Variants in AGMO observed in about 807,000 individuals in gnomAD.
AGMO encodes glyceryl-ether monooxygenase.
A neutral mutation model predicts 60.2 loss-of-function variants in AGMO; 75 were observed. The observed-to-expected ratio is 1.25, with a 90% confidence interval of 1.03 to 1.51. The LOEUF is 1.51. Among genes scored for constraint, AGMO ranks in the 40% most tolerant of loss-of-function variants. AGMO has a pLI of 0.00. For synonymous variants in AGMO, 261 were observed against 177.1 expected (o/e 1.47, Z -3.76); for missense variants, 763 against 525.5 (o/e 1.45, Z -4.42).
At chr7:15,217,410 G>C (rs1291181449) in intron 12 of AGMO, among the ~76,000 whole-genome samples, 2 of 151,798 alleles carry the variant, frequency 1.3e-5, no homozygotes, top group Admixed American at 6.6e-5. Flanking sequence ...GAAAAACAAA[G>C]ACATCTTGAG....
chr7:15,294,636 G>T (rs898831026), intron 12 of AGMO, among the ~76,000 whole-genome samples: 2 of 151,852 alleles, frequency 1.3e-5, no homozygotes, highest in African/African-American at 4.8e-5. Context: ...AATTTGAGGC[G>T]ATGGGAAGGC....
chr7:15,477,342 G>T (rs773720890), intron 3 of AGMO, among the ~76,000 whole-genome samples: 8 of 152,040 alleles, frequency 5.3e-5, no homozygotes, highest in Admixed American at 1.3e-4. Flanking sequence ...ATGTCCCATA[G>T]ACAGTAACAA....
At chr7:15,296,080 T>C (rs776649622) in intron 12 of AGMO, among the ~76,000 whole-genome samples, 1 of 152,154 alleles carries the variant, frequency 6.6e-6, no homozygotes, top group Non-Finnish European at 1.5e-5. Context: ...GAAAATAAAA[T>C]ATGTAGAAAT....
intron 12 of AGMO, among the ~76,000 whole-genome samples, chr7:15,342,779 C>CAAAAAAAAAAAAAA (rs780336320): frequency 1.6e-5 from 1 of 61,656 alleles, no homozygotes; most frequent in African/African-American, 7.4e-5. Flanking sequence ...AGTATAGCTG[C>CAAAAAAAAAAAAAA]AAAAAAAAAA....
intron 12 of AGMO, among the ~76,000 whole-genome samples, chr7:15,241,459 C>CAACAAAAAAA (rs1397699834): frequency 1.9e-5 from 1 of 51,358 alleles, no homozygotes. Context: ...GACTCCGTCT[C>CAACAAAAAAA]AAAAAAAAAA....
intron 12 of AGMO, among the ~76,000 whole-genome samples, chr7:15,281,600 C>T (rs1295612421): frequency 3.3e-5 from 5 of 152,090 alleles, no homozygotes; most frequent in Middle Eastern, 3.4e-3. Context: ...GCTGAGGTGG[C>T]GCCTACTCTT....
At chr7:15,141,102 G>C in the AGMO span, among the ~76,000 whole-genome samples, 1 of 152,088 alleles carries the variant, frequency 6.6e-6, no homozygotes, top group Non-Finnish European at 1.5e-5. Flanking sequence ...CTTTCATCTT[G>C]TAAATGGCTC....
chr7:15,523,071 G>A (rs561549489), intron 3 of AGMO, among the ~76,000 whole-genome samples: 180 of 152,200 alleles, frequency 1.2e-3, no homozygotes, highest in Middle Eastern at 0.01. Context: ...ACATTTATGC[G>A]GCCAACAAAC....
chr7:15,337,262 A>G (rs923997645), intron 12 of AGMO, among the ~76,000 whole-genome samples: 2 of 152,244 alleles, frequency 1.3e-5, no homozygotes, highest in Non-Finnish European at 2.9e-5. Context: ...GGAATAATGC[A>G]GGAAATATGC....
At chr7:15,392,435 T>C (rs1391579040) in intron 6 of AGMO, among the ~76,000 whole-genome samples, 1 of 151,990 alleles carries the variant, frequency 6.6e-6, no homozygotes, top group Non-Finnish European at 1.5e-5. Flanking sequence ...ACTCCCCAAT[T>C]AGAGATACTT....
At chr7:15,320,181 C>CA (rs1781065642) in intron 12 of AGMO, among the ~76,000 whole-genome samples, 1 of 151,880 alleles carries the variant, frequency 6.6e-6, no homozygotes, top group East Asian at 1.9e-4. Context: ...TTAATGGGTG[C>CA]AGCACACCAC....
rs75213694 is a variant in AGMO, at chr7:15,495,816, G to A, written c.409+48956C>T. ...AGCTTTTCCTTTGTAAGTGGGGATG[G>A]AGACTCTCTCTCTCTCTCTCTCTCT... is the stretch of plus-strand genomic sequence containing the variant. On this transcript the variant is annotated intron_variant, in intron 3 of 12. Coordinates refer to ENST00000342526, the MANE Select transcript of AGMO (RefSeq NM_001004320.2). 0.02 allele frequency among the ~76,000 whole-genome samples: 2,120 copies of A among 107,230 alleles called. 105 individuals carry two copies. The East Asian group carries it at 0.35, about 18-fold the overall frequency. The allele number at this position is 107,230 out of a possible 152,430, so 70.3% of individuals were successfully genotyped here. A position where few individuals can be genotyped will look rare whatever the true frequency, so the allele number is the denominator to read the frequency against.
the AGMO span, among the ~76,000 whole-genome samples, chr7:15,172,288 C>G: frequency 6.6e-6 from 1 of 152,206 alleles, no homozygotes; most frequent in Non-Finnish European, 1.5e-5. Flanking sequence ...CCCCAGACAT[C>G]AAGTGAATCT....
At chr7:15,274,940 C>G (rs1246000651) in intron 12 of AGMO, among the ~76,000 whole-genome samples, 1 of 151,016 alleles carries the variant, frequency 6.6e-6, no homozygotes, top group Non-Finnish European at 1.5e-5. Context: ...TTCTGTTTTT[C>G]TTCATTGAGC....
chr7:15,138,431 G>A, the AGMO span, among the ~76,000 whole-genome samples: 6 of 152,248 alleles, frequency 3.9e-5, no homozygotes, highest in East Asian at 9.7e-4. Context: ...TCATAATCCC[G>A]ACATCCTAAA....
At position 15,503,749 on chromosome 7, in the gene AGMO, A is replaced by G. The variant is rs186782166; in HGVS notation, c.409+41023T>C. Reference sequence around the variant, plus strand: ...GAAATAGACTTAAAATTATAATAGAAGCACTTTTTATTTGTACAACATGAG... The same window carrying G: ...GAAATAGACTTAAAATTATAATAGAGGCACTTTTTATTTGTACAACATGAG... On this transcript the variant is annotated intron_variant, in intron 3 of 12. Transcript: ENST00000342526. Among the ~76,000 whole-genome samples the G allele has an allele frequency of 6.4e-4, 98 of 152,192 alleles. No homozygotes were observed. In the East Asian group the frequency reaches 0.018, roughly 28 times the overall value.
chr7:15,475,051 G>A (rs1341702117), intron 3 of AGMO, among the ~76,000 whole-genome samples: 2 of 152,124 alleles, frequency 1.3e-5, no homozygotes, highest in African/African-American at 2.4e-5. Flanking sequence ...AACAGATGCT[G>A]GAGAGGATGT....
At chr7:15,469,588 A>G (rs1782390893) in intron 3 of AGMO, among the ~76,000 whole-genome samples, 1 of 152,152 alleles carries the variant, frequency 6.6e-6, no homozygotes, top group Non-Finnish European at 1.5e-5. Flanking sequence ...AGAACAGTAG[A>G]AATCAAAAGA....
chr7:15,354,080 TTTG>T (rs1324418017), intron 12 of AGMO, among the ~76,000 whole-genome samples: 3 of 151,920 alleles, frequency 2.0e-5, no homozygotes, highest in African/African-American at 7.2e-5. Flanking sequence ...TTCCAAGTAT[TTTG>T]TTGTTCATGG....
Sources: allele counts gnomAD v4.1 joint callset (sites outside exome capture counted in the v4.1 genomes callset), GRCh38; gene constraint gnomAD v4.1.1; transcripts MANE v1.5; gene names NCBI Gene and HGNC (gene_info 2026-07-23, HGNC 2026-07-21).